Variants in TOGARAM1 observed in about 807,000 individuals in gnomAD.
TOGARAM1 encodes TOG array regulator of axonemal microtubules 1.
In TOGARAM1, 100 loss-of-function variants were observed where a neutral mutation model predicts 166.6. That is an observed-to-expected ratio of 0.60 (90% CI 0.51 to 0.71). The LOEUF is 0.71. TOGARAM1 is among the 30% of genes least tolerant of loss of function. The probability of loss-of-function intolerance (pLI) is 0.00; values close to 1 mark genes in which losing one functional copy is unlikely to be tolerated. For synonymous variants in TOGARAM1, 758 were observed against 763.8 expected (o/e 0.99, Z 0.13); for missense variants, 2,029 against 2,102.7 (o/e 0.96, Z 0.69).
chr14:44,963,432 T>A lies in TOGARAM1; in HGVS notation c.1011T>A (p.Cys337Ter). 6.2e-7 allele frequency: 1 copy of A among 1,614,202 alleles called. No homozygotes were observed. The highest frequency in any genetic ancestry group is 1.1e-5 in the South Asian group (1 of 91,082). Residue 337 changes from cysteine (C) to a stop codon, truncating the protein, a stop_gained, in exon 1 of 20, where the codon TGT becomes TGA. Transcript: ENST00000361462. LOFTEE classifies it high-confidence loss of function. ...ASGFPEDPLP[C>*]AVTLSNSNLK... ...GATTTCCTGAAGATCCCCTTCCCTG[T>A]GCAGTGACTCTTTCCAACAGCAATC...
At chr14:45,058,005 G>C (rs975340184) in intron 16 of TOGARAM1, among the ~76,000 whole-genome samples, 7 of 152,134 alleles carry the variant, frequency 4.6e-5, no homozygotes, top group African/African-American at 1.4e-4. Flanking sequence ...TTAATTTTCT[G>C]TCTCAATAAT....
At chr14:45,065,147 C>G (rs546796989) in intron 16 of TOGARAM1, among the ~76,000 whole-genome samples, 1 of 151,922 alleles carries the variant, frequency 6.6e-6, no homozygotes, top group Non-Finnish European at 1.5e-5. Context: ...AAGTGAGACT[C>G]TTTCTCAAAA....
At chr14:44,988,947 A>G (rs1021496230) in intron 1 of TOGARAM1, among the ~76,000 whole-genome samples, 1 of 152,258 alleles carries the variant, frequency 6.6e-6, no homozygotes, top group African/African-American at 2.4e-5. Context: ...CAGCCTAGCT[A>G]ACATTTTGAT....
chr14:44,974,348 T>TGG (rs1281387699), intron 1 of TOGARAM1, among the ~76,000 whole-genome samples: 2 of 152,116 alleles, frequency 1.3e-5, no homozygotes, highest in Non-Finnish European at 2.9e-5. Context: ...CTAGGTTTCT[T>TGG]TTGTGTTCCT....
At chr14:45,051,547 C>T (rs1003856786) in intron 14 of TOGARAM1, among the ~76,000 whole-genome samples, 6 of 144,570 alleles carry the variant, frequency 4.2e-5, no homozygotes, top group Non-Finnish European at 9.0e-5. Flanking sequence ...AGCATCCCAA[C>T]AGATGCTTTT....
At chr14:45,071,285 GT>G (rs10711034) in intron 18 of TOGARAM1, among the ~76,000 whole-genome samples, 115,774 of 138,280 alleles carry the variant, frequency 0.84, 48,400 homozygotes, top group Admixed American at 0.87. Context: ...GATTCAGGCA[GT>G]TTTTTTTTTT....
intron 7 of TOGARAM1, among the ~76,000 whole-genome samples, chr14:45,019,566 C>T (rs187145453): frequency 1.3e-5 from 2 of 152,250 alleles, no homozygotes; most frequent in South Asian, 2.1e-4. Context: ...GTTGCCAGCT[C>T]GAATGCCTGG....
chr14:45,026,368 T>C (rs536640935), intron 8 of TOGARAM1, among the ~76,000 whole-genome samples: 1 of 152,308 alleles, frequency 6.6e-6, no homozygotes, highest in Admixed American at 6.5e-5. Context: ...TGTGGTAATA[T>C]ACATTGAGGG....
intron 16 of TOGARAM1, among the ~76,000 whole-genome samples, chr14:45,059,669 C>A (rs1310726807): frequency 1.4e-5 from 2 of 144,610 alleles, no homozygotes; most frequent in East Asian, 2.0e-4. Flanking sequence ...AAAAACAAAA[C>A]AAAACAAAAC....
chr14:45,017,178 A>G (rs1279805860), intron 7 of TOGARAM1, among the ~76,000 whole-genome samples: 2 of 152,230 alleles, frequency 1.3e-5, no homozygotes, highest in Non-Finnish European at 2.9e-5. Flanking sequence ...GCATACTGAT[A>G]AAGAAAAATT....
chr14:45,054,109 G>A (rs2138976969), intron 15 of TOGARAM1, among the ~76,000 whole-genome samples: 1 of 152,158 alleles, frequency 6.6e-6, no homozygotes, highest in African/African-American at 2.4e-5. Flanking sequence ...GACCTCAGAT[G>A]ATCCACCTGC....
chr14:45,041,258 G>A (rs1361420717), intron 11 of TOGARAM1, among the ~76,000 whole-genome samples: 2 of 151,282 alleles, frequency 1.3e-5, no homozygotes, highest in Non-Finnish European at 2.9e-5. Flanking sequence ...ATAATTAGCC[G>A]GCCATGGTGG....
At chr14:45,060,995 T>C (rs1273511959) in intron 16 of TOGARAM1, among the ~76,000 whole-genome samples, 1 of 152,242 alleles carries the variant, frequency 6.6e-6, no homozygotes, top group Non-Finnish European at 1.5e-5. Flanking sequence ...CCCACTAATT[T>C]TATCCACCAC....
intron 14 of TOGARAM1, among the ~76,000 whole-genome samples, chr14:45,047,167 G>A (rs1334432216): frequency 6.6e-6 from 1 of 151,930 alleles, no homozygotes; most frequent in Admixed American, 6.6e-5. Flanking sequence ...TGAGGCAGGT[G>A]GATCACGAGA....
intron 16 of TOGARAM1, among the ~76,000 whole-genome samples, chr14:45,058,354 G>A (rs954860024): frequency 2.6e-5 from 4 of 151,516 alleles, no homozygotes; most frequent in African/African-American, 4.9e-5. Context: ...GAGTGCAGTG[G>A]CACAATCTCA....
In TOGARAM1 at chr14:44,964,188, T is replaced by C. The variant is rs898283513; in HGVS notation, c.1767T>C (p.Tyr589=). The C allele has an allele frequency of 6.2e-7, 1 of 1,614,190 alleles. No individual in the cohort carries two copies. Among genetic ancestry groups the C allele is most frequent in the Non-Finnish European group, 8.5e-7 (1 of 1,180,040 alleles). The change falls in exon 1 of 20, where the codon TAT becomes TAC. Residue 589 remains tyrosine (Y), a synonymous_variant. Transcript: ENST00000361462. ...PRLTEQGFVE[Y]AVLMPSSAGG... Reference sequence around the variant, plus strand: ...TCACAGAGCAGGGATTTGTGGAATATGCAGTACTGATGCCATCTTCTGCCG... The same window carrying C: ...TCACAGAGCAGGGATTTGTGGAATACGCAGTACTGATGCCATCTTCTGCCG...
At chr14:45,064,882 T>C (rs1460775853) in intron 16 of TOGARAM1, among the ~76,000 whole-genome samples, 3 of 152,064 alleles carry the variant, frequency 2.0e-5, no homozygotes, top group Non-Finnish European at 4.4e-5. Flanking sequence ...GATTGAGAGG[T>C]AGGGGGTGTG....
At chr14:45,029,598 C>T (rs777537638) in intron 10 of TOGARAM1, among the ~76,000 whole-genome samples, 4 of 152,114 alleles carry the variant, frequency 2.6e-5, no homozygotes, top group Non-Finnish European at 5.9e-5. Context: ...TAGCTAAATT[C>T]TAATTGGATA....
chr14:45,007,033 T>G (rs1351667461), intron 5 of TOGARAM1: 1 of 152,140 alleles, frequency 6.6e-6, no homozygotes, highest in Admixed American at 6.5e-5. Context: ...CATAGATGCC[T>G]CCTTTTTATC....
Sources: allele counts gnomAD v4.1 joint callset (sites outside exome capture counted in the v4.1 genomes callset), GRCh38; gene constraint gnomAD v4.1.1; transcripts MANE v1.5; gene names NCBI Gene and HGNC (gene_info 2026-07-23, HGNC 2026-07-21).